Variants in ASIC2 observed in about 807,000 individuals in gnomAD.
ASIC2 encodes the protein acid sensing ion channel subunit 2, also known as acid-sensing ion channel 2.
A neutral mutation model predicts 57.3 loss-of-function variants in ASIC2; 25 were observed. That is an observed-to-expected ratio of 0.44 (90% confidence interval 0.32 to 0.61). ASIC2 has a LOEUF of 0.61. Ranked by LOEUF, ASIC2 falls within the 20% of genes least tolerant of loss-of-function variation. The probability of loss-of-function intolerance (pLI) is 0.06; values close to 1 mark genes in which losing one functional copy is unlikely to be tolerated. For missense variants in ASIC2, 641 were observed against 738.1 expected (o/e 0.87, Z 1.52); for synonymous variants, 319 against 307.5 (o/e 1.04, Z -0.39).
At chr17:34,012,600 T>C (rs1220940978) in intron 1 of ASIC2, among the ~76,000 whole-genome samples, 1 of 152,182 alleles carries the variant, frequency 6.6e-6, no homozygotes, top group Non-Finnish European at 1.5e-5. Context: ...AAATGCCTCT[T>C]TCTGGTCTCA....
At chr17:34,046,485 T>C (rs1183293515) in intron 1 of ASIC2, among the ~76,000 whole-genome samples, 4 of 152,242 alleles carry the variant, frequency 2.6e-5, no homozygotes, top group Non-Finnish European at 5.9e-5. Context: ...TCACAGGAAT[T>C]AATCAATGCT....
chr17:33,817,966 C>G (rs1420263168), intron 1 of ASIC2, among the ~76,000 whole-genome samples: 2 of 152,080 alleles, frequency 1.3e-5, no homozygotes, highest in Non-Finnish European at 2.9e-5. Flanking sequence ...TTTCGGGGTA[C>G]CACATTTCTT....
intron 1 of ASIC2, among the ~76,000 whole-genome samples, chr17:33,809,718 G>C (rs1912365816): frequency 6.6e-6 from 1 of 152,168 alleles, no homozygotes; most frequent in Non-Finnish European, 1.5e-5. Context: ...TCTTGAGGAA[G>C]AAATGGCAGC....
At chr17:33,814,825 G>A (rs892859792) in intron 1 of ASIC2, among the ~76,000 whole-genome samples, 1 of 152,352 alleles carries the variant, frequency 6.6e-6, no homozygotes, top group Middle Eastern at 3.4e-3. Context: ...ATTATGCAAC[G>A]GGAGTCTGTG....
chr17:34,102,837 G>A (rs938375802), intron 1 of ASIC2, among the ~76,000 whole-genome samples: 2 of 152,164 alleles, frequency 1.3e-5, no homozygotes, highest in Non-Finnish European at 2.9e-5. Context: ...GGATTAAGGA[G>A]TGTTCCTCTT....
intron 5 of ASIC2, among the ~76,000 whole-genome samples, chr17:33,025,114 T>A (rs1006537785): frequency 6.6e-6 from 1 of 152,176 alleles, no homozygotes; most frequent in Non-Finnish European, 1.5e-5. Context: ...CCTGGAGGTA[T>A]CTGGACCTGA....
At chr17:33,228,504 G>C (rs901747006) in intron 1 of ASIC2, among the ~76,000 whole-genome samples, 1 of 152,216 alleles carries the variant, frequency 6.6e-6, no homozygotes, top group Non-Finnish European at 1.5e-5. Context: ...ACGTCCATGT[G>C]GTGTGAGTGC....
chr17:33,379,071 A>G (rs530590806), intron 1 of ASIC2, among the ~76,000 whole-genome samples: 74 of 152,384 alleles, frequency 4.9e-4, no homozygotes, highest in Middle Eastern at 3.4e-3. Flanking sequence ...TTATTGGAGC[A>G]TTAAATGAGA....
chr17:33,623,204 A>G (rs958977374), intron 1 of ASIC2, among the ~76,000 whole-genome samples: 4 of 151,824 alleles, frequency 2.6e-5, no homozygotes, highest in African/African-American at 9.7e-5. Context: ...TTCCAACTCT[A>G]TCTGCTCATC....
chr17:33,676,069 C>A (rs928788723), intron 1 of ASIC2, among the ~76,000 whole-genome samples: 1 of 152,086 alleles, frequency 6.6e-6, no homozygotes, highest in Non-Finnish European at 1.5e-5. Flanking sequence ...ATATGACGAT[C>A]TATGATAAGT....
intron 1 of ASIC2, among the ~76,000 whole-genome samples, chr17:33,652,899 G>C (rs1906962050): frequency 6.6e-6 from 1 of 152,150 alleles, no homozygotes; most frequent in South Asian, 2.1e-4. Flanking sequence ...CAAATTCCAG[G>C]GGATGAGAAA....
intron 1 of ASIC2, among the ~76,000 whole-genome samples, chr17:33,687,180 C>A (rs183206423): frequency 1.3e-5 from 2 of 152,098 alleles, no homozygotes; most frequent in East Asian, 3.9e-4. Context: ...TAGAACTGTA[C>A]GAGGCACATC....
intron 1 of ASIC2, among the ~76,000 whole-genome samples, chr17:33,742,533 T>C (rs1216667111): frequency 6.6e-6 from 1 of 152,204 alleles, no homozygotes; most frequent in Non-Finnish European, 1.5e-5. Context: ...TAGTGTCTTC[T>C]ATAATGTGGA....
rs559947560 is a variant in ASIC2, at chr17:33,525,271, C to T, written c.556-413204G>A. 5.3e-5 allele frequency among the ~76,000 whole-genome samples: 8 copies of T among 152,266 alleles called. No individual in the cohort carries two copies. The South Asian group carries it at 6.2e-4, about 12-fold the overall frequency. ...CAGGTCTTTCTGAGTAGGGCGGACA[C>T]GAGAGAGTCATGTGGGAGGTGTGGA... is the stretch of plus-strand genomic sequence containing the variant. On this transcript the variant is annotated intron_variant, in intron 1 of 9. Coordinates refer to the ASIC2 transcript ENST00000359872.
chr17:34,149,465 G>A (rs1904428874), intron 1 of ASIC2, among the ~76,000 whole-genome samples: 1 of 152,090 alleles, frequency 6.6e-6, no homozygotes, highest in Non-Finnish European at 1.5e-5. Context: ...TACCCATGAT[G>A]CAAAAAGAAG....
At chr17:33,181,210 A>C (rs1905970835) in intron 1 of ASIC2, among the ~76,000 whole-genome samples, 1 of 152,158 alleles carries the variant, frequency 6.6e-6, no homozygotes, top group South Asian at 2.1e-4. Flanking sequence ...GAGCTCTTGG[A>C]GGAGTCCTTT....
chr17:34,150,379 G>A (rs1280490504), intron 1 of ASIC2, among the ~76,000 whole-genome samples: 2 of 152,076 alleles, frequency 1.3e-5, no homozygotes, highest in African/African-American at 4.8e-5. Context: ...TGCTAAGGGG[G>A]TAAATTTTAA....
chr17:33,489,248 A>G (rs539766557), intron 1 of ASIC2, among the ~76,000 whole-genome samples: 6 of 152,282 alleles, frequency 3.9e-5, no homozygotes, highest in Admixed American at 2.0e-4. Flanking sequence ...TGAGCCAGAC[A>G]CTGTGCTGAG....
At chr17:33,152,358 G>T (rs1277087903) in intron 1 of ASIC2, among the ~76,000 whole-genome samples, 1 of 152,198 alleles carries the variant, frequency 6.6e-6, no homozygotes, top group African/African-American at 2.4e-5. Context: ...GGTCGTGAAT[G>T]CCAAGTGCTC....
Sources: allele counts gnomAD v4.1 joint callset (sites outside exome capture counted in the v4.1 genomes callset), GRCh38; gene constraint gnomAD v4.1.1; transcripts MANE v1.5; gene names NCBI Gene and HGNC (gene_info 2026-07-23, HGNC 2026-07-21).